The following CACNA1H variants were observed in gnomAD, a reference collection of about 807,000 sequenced individuals.
The protein encoded by CACNA1H is voltage-dependent T-type calcium channel subunit alpha-1H.
A neutral mutation model predicts 192.5 loss-of-function variants in CACNA1H; 149 were observed. That is an observed-to-expected ratio of 0.77 (90% CI 0.68 to 0.89). The LOEUF is 0.89. Ranked by LOEUF, CACNA1H falls within the 40% of genes least tolerant of loss-of-function variation. The pLI is 0.00. For missense variants in CACNA1H, 4,257 were observed against 3,423.5 expected, an observed-to-expected ratio of 1.24 and a Z score of -6.08; for synonymous variants, 2,202 against 1,475.2, an observed-to-expected ratio of 1.49 and a Z score of -11.29.
chr16:1,206,001 C>T lies in CACNA1H; in HGVS notation c.2604-103C>T, dbSNP rs1483987054. ...CCTCTCCCATCTGTGGGATGCAGCA[C>T]AGGCCGCTGTGGCTCCCTGGCTGGT... On this transcript the variant is annotated intron_variant, in intron 11 of 34. Coordinates refer to ENST00000348261, the MANE Select transcript of CACNA1H (RefSeq NM_021098.3). The T allele has an allele frequency of 1.8e-5, 20 of 1,122,872 alleles. No individual in the cohort carries two copies. In the East Asian group the frequency reaches 4.7e-4, roughly 26 times the overall value. The allele number at this position is 1,122,872 out of a possible 1,614,324, so 69.6% of individuals were successfully genotyped here. A position where few individuals can be genotyped will look rare whatever the true frequency, so the allele number is the denominator to read the frequency against.
At chr16:1,159,024 C>A (rs1044277148) in intron 2 of CACNA1H, among the ~76,000 whole-genome samples, 1 of 152,246 alleles carries the variant, frequency 6.6e-6, no homozygotes, top group Non-Finnish European at 1.5e-5. Flanking sequence ...ACTGACTGAC[C>A]TCAGGGCCCC....
intron 2 of CACNA1H, among the ~76,000 whole-genome samples, chr16:1,182,302 G>C (rs1026496748): frequency 2.6e-5 from 4 of 152,186 alleles, no homozygotes; most frequent in African/African-American, 9.7e-5. Flanking sequence ...AGAGTCTCCC[G>C]AGGCCATTGC....
chr16:1,191,450 T>TCTC (rs1966610586), intron 2 of CACNA1H, among the ~76,000 whole-genome samples: 4 of 64,932 alleles, frequency 6.2e-5, no homozygotes, highest in African/African-American at 9.8e-5. Context: ...ACACTCAGGG[T>TCTC]TTTGGTGACC....
intron 11 of CACNA1H, 130 bp from the exon 12 acceptor site, chr16:1,205,974 A>G: frequency 1.2e-6 from 1 of 818,116 alleles, no homozygotes; most frequent in East Asian, 2.7e-5. Flanking sequence ...ATGCAGCCAT[A>G]CCCTCTCCCA....
At chr16:1,175,408 G>C (rs1365172870) in intron 2 of CACNA1H, among the ~76,000 whole-genome samples, 1 of 152,158 alleles carries the variant, frequency 6.6e-6, no homozygotes, top group Non-Finnish European at 1.5e-5. Context: ...TGAGGGGGTT[G>C]ACAGGAGACA....
At chr16:1,216,225 C>T (rs1014082381) in intron 30 of CACNA1H, among the ~76,000 whole-genome samples, 3 of 152,218 alleles carry the variant, frequency 2.0e-5, no homozygotes, top group African/African-American at 4.8e-5. Flanking sequence ...TCACTTGCCC[C>T]CTGCCTGTCT....
chr16:1,172,281 C>T (rs1328853863), intron 2 of CACNA1H, among the ~76,000 whole-genome samples: 1 of 152,176 alleles, frequency 6.6e-6, no homozygotes, highest in Admixed American at 6.5e-5. Flanking sequence ...CCCCACAGTG[C>T]ATCACCGCAG....
chr16:1,165,193 CG>C (rs953459142), intron 2 of CACNA1H, among the ~76,000 whole-genome samples: 14 of 151,944 alleles, frequency 9.2e-5, no homozygotes, highest in Non-Finnish European at 2.1e-4. Flanking sequence ...GCTGGGGAGA[CG>C]GGGGGAAGAG....
chr16:1,211,341 G>A, intron 22 of CACNA1H, 47 bp downstream of exon 22: 3 of 1,610,496 alleles, frequency 1.9e-6, no homozygotes, highest in Non-Finnish European at 2.5e-6. Context: ...CGCAGACAGG[G>A]TCTGCCTTCC....
Position 1,189,533 on chromosome 16 carries a change from C to A in CACNA1H, c.300-5439C>A, listed in dbSNP as rs368547280. ...CTGGGGTCAAGCGATCCTCCCACTT[C>A]AGCCTCCCCGAGTAGCTGCCACCGC... On this transcript the variant is annotated intron_variant, in intron 2 of 34. Transcript: ENST00000348261. 5.9e-3 allele frequency among the ~76,000 whole-genome samples: 876 copies of A among 149,176 alleles called. 2 individuals carry two copies. Among genetic ancestry groups the A allele is most frequent in the Non-Finnish European group, 9.5e-3 (636 of 67,264 alleles).
At position 1,180,993 on chromosome 16, in the gene CACNA1H, GCCACGTTC is replaced by G. The variant is rs1965409437; in HGVS notation, c.300-13975_300-13968del. The stretch of plus-strand genomic sequence containing the variant: ...GCCAGACCCAAGGGTGGAGCTCCAG[GCCACGTTC>G]CCATGGAGGGAGCGCCTGGTCCCCT... On this transcript the variant is annotated intron_variant, in intron 2 of 34. Coordinates refer to ENST00000348261, the MANE Select transcript of CACNA1H (RefSeq NM_021098.3). The surrounding 1 kb of genome is among the most constrained non-coding windows in gnomAD (Gnocchi z 4.4). Among the ~76,000 whole-genome samples the G allele has an allele frequency of 6.6e-6, 1 of 152,212 alleles. No homozygotes were observed. The highest frequency in any genetic ancestry group is 2.4e-5 in the African/African-American group (1 of 41,458).
In CACNA1H at chr16:1,207,426, C is replaced by A. The variant is rs771994752; in HGVS notation, c.3059C>A (p.Ala1020Glu). The A allele has an allele frequency of 4.3e-6, 7 of 1,612,346 alleles. No homozygotes were observed. The highest frequency in any genetic ancestry group is 5.9e-6 in the Non-Finnish European group (7 of 1,179,654). ...LVAILVEGFQ[A>E]EGDANRSDTD... ...GCCATCCTCGTGGAGGGCTTCCAGG[C>A]GGAGGTGAGGGGGCAGGGAGAGGGG... Residue 1020 changes from alanine (A) to glutamate (E), a missense_variant, in exon 14 of 35, where the codon GCG (alanine) becomes GAG (glutamate). Ala to Glu is a moderately radical substitution (Grantham distance 107). Coordinates refer to ENST00000348261, the MANE Select transcript of CACNA1H (RefSeq NM_021098.3).
rs771429559 is a variant in CACNA1H, at chr16:1,200,240, C to T, written c.804-16C>T. The T allele has an allele frequency of 6.3e-6, 10 of 1,582,524 alleles. No individual in the cohort carries two copies. The highest frequency in any genetic ancestry group is 5.3e-5 in the Admixed American group (3 of 56,178). On this transcript the variant is annotated splice_polypyrimidine_tract_variant and intron_variant, in intron 6 of 34. Coordinates refer to ENST00000348261, the MANE Select transcript of CACNA1H (RefSeq NM_021098.3). ...CCCTGATTGTACCTTTTGGCCCTGG[C>T]TGTGCCCATCCCCAGGAACAACAAC...
rs190211190 is a variant in CACNA1H at position 1,198,952 on chromosome 16, A to C, written c.803+178A>C. 0.011 allele frequency: 4,398 copies of C among 384,644 alleles called. 155 individuals are homozygous for C. The African/African-American group carries it at 0.21, about 18-fold the overall frequency. The allele number at this position is 384,644 out of a possible 1,614,324, so 23.8% of individuals were successfully genotyped here. On this transcript the variant is annotated intron_variant, in intron 6 of 34. Transcript: ENST00000348261. ...ATGCTGTCTCCCGCCCCCACCCCCC[A>C]TCATGGCTCCGCCCAGCTGGCAGTC...
chr16:1,201,359 C>T (rs1967874377), intron 8 of CACNA1H, among the ~76,000 whole-genome samples: 1 of 152,122 alleles, frequency 6.6e-6, no homozygotes, highest in East Asian at 1.9e-4. Flanking sequence ...GGAGAGTGGC[C>T]ACCGTTGAGA....
Position 1,204,393 on chromosome 16 carries a change from A to G in CACNA1H, c.2386A>G (p.Ser796Gly), listed in dbSNP as rs1968394411. ...LRRIVDSKYF[S>G]RGIMMAILVN... The stretch of plus-strand genomic sequence containing the variant: ...CCGCATCGTGGACAGCAAGTACTTC[A>G]GCCGTGGCATCATGATGGCCATCCT... Residue 796 changes from serine to glycine, a missense_variant, in exon 10 of 35, where the codon AGC (serine) becomes GGC (glycine). By Grantham distance (56) the Ser-to-Gly change is moderately conservative (BLOSUM62 0). Transcript: ENST00000348261. 1.3e-6 allele frequency: 2 copies of G among 1,557,662 alleles called. No homozygotes were observed. Among genetic ancestry groups the G allele is most frequent in the Non-Finnish European group, 1.7e-6 (2 of 1,153,074 alleles).
chr16:1,213,534 C>G (rs71380249), intron 26 of CACNA1H, among the ~76,000 whole-genome samples: 1 of 152,066 alleles, frequency 6.6e-6, no homozygotes, highest in Non-Finnish European at 1.5e-5. Flanking sequence ...GCCCAGGCCT[C>G]CTGGCCTAGC....
chr16:1,208,904 C>T (rs769955620), intron 16 of CACNA1H, 128 bp from the exon 17 acceptor site: 43 of 1,022,110 alleles, frequency 4.2e-5, no homozygotes, highest in Middle Eastern at 3.3e-4. Context: ...CAGCCTCCAC[C>T]GTGCCTCCCT....
chr16:1,218,746 C>G (rs983274946), intron 33 of CACNA1H, 95 bp downstream of exon 33: 5 of 1,296,256 alleles, frequency 3.9e-6, no homozygotes, highest in Admixed American at 2.3e-5. Context: ...CAGGCCAGAG[C>G]AGGGCAAGAG....
Sources: gnomAD v4.1 joint callset for allele counts (sites outside exome capture counted in the v4.1 genomes callset) on GRCh38, gnomAD v4.1.1 for gene constraint, Gnocchi (gnomAD v3.1) non-coding constraint, MANE v1.5 for transcripts, NCBI Gene and HGNC (gene_info 2026-07-23, HGNC 2026-07-21) for gene names.